The following SPOCK3 variants were observed in gnomAD, a reference collection of about 807,000 sequenced individuals.
SPOCK3 encodes the protein SPARC (osteonectin), cwcv and kazal like domains proteoglycan 3, also known as testican-3.
In SPOCK3, 30 loss-of-function variants were observed where a neutral mutation model predicts 56.6. That is an observed-to-expected ratio of 0.53 (90% confidence interval 0.40 to 0.72). SPOCK3 has a LOEUF of 0.72. Ranked by LOEUF, SPOCK3 falls within the 30% of genes least tolerant of loss-of-function variation. The pLI, the probability that SPOCK3 is intolerant of heterozygous loss-of-function variation, is 0.00. For synonymous variants in SPOCK3, 196 were observed against 183.3 expected (o/e 1.07, Z -0.56); for missense variants, 527 against 530.0 (o/e 0.99, Z 0.06).
At chr4:167,032,663 T>TA (rs924033181) in intron 3 of SPOCK3, among the ~76,000 whole-genome samples, 1 of 151,404 alleles carries the variant, frequency 6.6e-6, no homozygotes, top group Non-Finnish European at 1.5e-5. Context: ...CCGAGCTTTA[T>TA]AAAAAAAAGA....
intron 4 of SPOCK3, among the ~76,000 whole-genome samples, chr4:166,938,808 C>T (rs1740741745): frequency 6.6e-6 from 1 of 151,854 alleles, no homozygotes; most frequent in Non-Finnish European, 1.5e-5. Flanking sequence ...TAGTGTGATA[C>T]CACAGATGTT....
chr4:166,921,470 C>G (rs375045860), intron 4 of SPOCK3, among the ~76,000 whole-genome samples: 1 of 152,086 alleles, frequency 6.6e-6, no homozygotes, highest in South Asian at 2.1e-4. Context: ...GCGCACGCCA[C>G]CACGCTCAGC....
At chr4:167,009,621 A>C (rs2150142229) in intron 3 of SPOCK3, among the ~76,000 whole-genome samples, 1 of 152,206 alleles carries the variant, frequency 6.6e-6, no homozygotes, top group Non-Finnish European at 1.5e-5. Flanking sequence ...CAGAACCCTC[A>C]CAATACCAAA....
chr4:167,071,266 G>T (rs1756648339), intron 2 of SPOCK3, among the ~76,000 whole-genome samples: 1 of 152,030 alleles, frequency 6.6e-6, no homozygotes, highest in African/African-American at 2.4e-5. Context: ...TATACTTTAA[G>T]TTCTAAGGTA....
chr4:167,147,740 A>G (rs1196123250), intron 2 of SPOCK3, among the ~76,000 whole-genome samples: 1 of 152,168 alleles, frequency 6.6e-6, no homozygotes, highest in Non-Finnish European at 1.5e-5. Flanking sequence ...GTTCTCACTC[A>G]TAAGTGAGAC....
intron 2 of SPOCK3, among the ~76,000 whole-genome samples, chr4:167,119,010 C>T (rs1761650421): frequency 6.6e-6 from 1 of 151,984 alleles, no homozygotes; most frequent in Non-Finnish European, 1.5e-5. Flanking sequence ...AATTTATCTA[C>T]ATGCCTAGAA....
At chr4:166,752,326 A>G (rs7671414) in intron 8 of SPOCK3, among the ~76,000 whole-genome samples, 120,126 of 152,010 alleles carry the variant, frequency 0.79, 47,719 homozygotes, top group South Asian at 0.82. Flanking sequence ...CCCAGCTGAA[A>G]TTTACAAACT....
intron 2 of SPOCK3, among the ~76,000 whole-genome samples, chr4:167,165,491 AT>A (rs1765682352): frequency 6.6e-6 from 1 of 152,172 alleles, no homozygotes; most frequent in South Asian, 2.1e-4. Context: ...AGAAATGCAA[AT>A]CAAAACCACA....
chr4:167,090,689 G>A (rs900662583), intron 2 of SPOCK3, among the ~76,000 whole-genome samples: 2 of 151,920 alleles, frequency 1.3e-5, no homozygotes, highest in Non-Finnish European at 2.9e-5. Flanking sequence ...TTTTAGTAGA[G>A]ATGGGGTTTC....
At position 167,127,034 on chromosome 4, in the gene SPOCK3, A is replaced by T. The variant is rs559636815; in HGVS notation, c.190-64497T>A. On this transcript the variant is annotated intron_variant, in intron 2 of 10. Transcript: ENST00000357545. Reference sequence around the variant, plus strand: ...CGTGTCCTGGTGATGAATGGCTCGGACCATTATGGACCAGCAATAGAATAG... The same window carrying T: ...CGTGTCCTGGTGATGAATGGCTCGGTCCATTATGGACCAGCAATAGAATAG... Among the ~76,000 whole-genome samples, 30 of 152,262 alleles carry T rather than the reference A, an allele frequency of 2.0e-4. No homozygotes were observed. In the South Asian group the frequency reaches 6.0e-3, roughly 30 times the overall value.
chr4:166,838,686 C>T (rs1468442683), intron 6 of SPOCK3, among the ~76,000 whole-genome samples: 1 of 145,058 alleles, frequency 6.9e-6, no homozygotes, highest in Non-Finnish European at 1.5e-5. Flanking sequence ...GGTGTGGTGG[C>T]TCACGCCTAT....
In SPOCK3 at chr4:166,842,991, G is replaced by A. The variant is rs528320634; in HGVS notation, c.589+46139C>T. On this transcript the variant is annotated intron_variant, in intron 6 of 10. Coordinates refer to ENST00000357545, the MANE Select transcript of SPOCK3 (RefSeq NM_001040159.2). ...CCCCGCGGGGAGGCAGCTGAGGCCC[G>A]GCGAGAATTCGAGCGTGTCCCCAGT... 9.2e-5 allele frequency among the ~76,000 whole-genome samples: 14 copies of A among 152,312 alleles called. No individual in the cohort carries two copies. In the South Asian group the frequency reaches 1.2e-3, roughly 14 times the overall value.
At chr4:166,781,395 A>C (rs1417355642) in intron 7 of SPOCK3, among the ~76,000 whole-genome samples, 1 of 150,920 alleles carries the variant, frequency 6.6e-6, no homozygotes, top group Non-Finnish European at 1.5e-5. Flanking sequence ...GAGGAGGCAG[A>C]GGATGATAAG....
intron 6 of SPOCK3, among the ~76,000 whole-genome samples, chr4:166,801,187 A>C (rs915814720): frequency 2.8e-4 from 42 of 152,184 alleles, no homozygotes; most frequent in African/African-American, 8.9e-4. Context: ...AAAATATATT[A>C]TTGATCATAC....
chr4:166,764,083 T>G (rs1737617146), intron 7 of SPOCK3, among the ~76,000 whole-genome samples: 1 of 152,112 alleles, frequency 6.6e-6, no homozygotes, highest in Non-Finnish European at 1.5e-5. Context: ...AATTTCCACC[T>G]AGCCACCATC....
chr4:166,906,433 A>G (rs538110640), intron 5 of SPOCK3, among the ~76,000 whole-genome samples: 1 of 150,198 alleles, frequency 6.7e-6, no homozygotes, highest in Non-Finnish European at 1.5e-5. Flanking sequence ...GCTTCTCAAA[A>G]TGGTGGGATT....
At chr4:167,079,070 A>C (rs1340045426) in intron 2 of SPOCK3, among the ~76,000 whole-genome samples, 1 of 151,864 alleles carries the variant, frequency 6.6e-6, no homozygotes, top group Non-Finnish European at 1.5e-5. Flanking sequence ...GCATTTGGGC[A>C]AATGAAAAAA....
chr4:167,070,260 C>A (rs571554948), intron 2 of SPOCK3, among the ~76,000 whole-genome samples: 7 of 151,984 alleles, frequency 4.6e-5, no homozygotes, highest in Admixed American at 3.3e-4. Context: ...GGTCAACCAG[C>A]CAAATATTTA....
chr4:167,182,730 G>A (rs1731595096), intron 2 of SPOCK3, among the ~76,000 whole-genome samples: 1 of 152,136 alleles, frequency 6.6e-6, no homozygotes, highest in African/African-American at 2.4e-5. Context: ...TGGAGACAGG[G>A]TTTCACCATA....
Sources: gnomAD v4.1 joint callset for allele counts (sites outside exome capture counted in the v4.1 genomes callset) on GRCh38, gnomAD v4.1.1 for gene constraint, MANE v1.5 for transcripts, NCBI Gene and HGNC (gene_info 2026-07-23, HGNC 2026-07-21) for gene names.